The following ANKRD6 variants were observed in gnomAD, a reference collection of about 807,000 sequenced individuals.
ANKRD6 encodes the protein ankyrin repeat domain 6, also known as ankyrin repeat domain-containing protein 6.
ANKRD6 carries 56 observed loss-of-function variants against 82.3 expected under a neutral mutation model. That is an observed-to-expected ratio of 0.68 (90% CI 0.55 to 0.85). The LOEUF (loss-of-function observed/expected upper bound fraction) is 0.85. Among genes scored for constraint, ANKRD6 ranks in the 40% least tolerant of loss-of-function variants. The probability of loss-of-function intolerance (pLI) is 0.00; values close to 1 mark genes in which losing one functional copy is unlikely to be tolerated. For missense variants in ANKRD6, 852 were observed against 907.6 expected, an observed-to-expected ratio of 0.94 and a Z score of 0.79; for synonymous variants, 347 against 352.1, an observed-to-expected ratio of 0.99 and a Z score of 0.16.
chr6:89,554,560 TGAAAAA>T (rs1412907188), intron 1 of ANKRD6, among the ~76,000 whole-genome samples: 1 of 152,058 alleles, frequency 6.6e-6, no homozygotes, highest in Non-Finnish European at 1.5e-5. Context: ...TCTGGAAACA[TGAAAAA>T]GTAAGAGAAG....
chr6:89,470,902 A>G lies in ANKRD6; in HGVS notation c.-144+37527A>G, dbSNP rs374148808. 3.9e-5 allele frequency among the ~76,000 whole-genome samples: 6 copies of G among 152,056 alleles called. No homozygotes were observed. In the East Asian group the frequency reaches 7.7e-4, roughly 20 times the overall value. On this transcript the variant is annotated intron_variant, in intron 1 of 15. Transcript: ENST00000339746. ...AAGTAAAGTTGTGAGTGGATTTTTCACTACCCTCACCAACATGGATGTTGT... is the reference window on the plus strand; with the variant it reads ...AAGTAAAGTTGTGAGTGGATTTTTCGCTACCCTCACCAACATGGATGTTGT...
intron 1 of ANKRD6, among the ~76,000 whole-genome samples, chr6:89,532,656 A>G (rs574343257): frequency 3.3e-5 from 5 of 152,318 alleles, no homozygotes; most frequent in East Asian, 1.9e-4. Flanking sequence ...AGATCATTCA[A>G]TGAATGAAAG....
chr6:89,448,067 G>C (rs929650658), intron 1 of ANKRD6, among the ~76,000 whole-genome samples: 2 of 152,116 alleles, frequency 1.3e-5, no homozygotes, highest in Non-Finnish European at 2.9e-5. Context: ...CTGGTTAGGA[G>C]CTAATGCAAC....
Position 89,627,604 on chromosome 6 carries a change from A to G in ANKRD6, c.1393A>G (p.Met465Val). 2 of 1,610,890 alleles carry G rather than the reference A, an allele frequency of 1.2e-6. No individual in the cohort carries two copies. The highest frequency in any genetic ancestry group is 2.7e-5 in the African/African-American group (2 of 74,838). The change falls in exon 14 of 16, where the codon ATG becomes GTG. Residue 465 changes from methionine (M) to valine (V), a missense_variant. Physicochemically the swap from Met to Val is conservative, Grantham distance 21. Coordinates refer to ENST00000339746, the MANE Select transcript of ANKRD6 (RefSeq NM_001242809.2). ...CTAGATGCGTGTTTTGGACAAGCTG[A>G]TGGTTGAGCGACTTTCTGCAGAGAG... ...QHQMRVLDKL[M>V]VERLSAERTE...
intron 2 of ANKRD6, among the ~76,000 whole-genome samples, chr6:89,577,843 T>C (rs1363787483): frequency 2.0e-5 from 3 of 152,148 alleles, no homozygotes; most frequent in Non-Finnish European, 4.4e-5. Context: ...AAAATGCTGG[T>C]CCTTGGAATG....
chr6:89,499,810 G>C (rs537409162), intron 1 of ANKRD6, among the ~76,000 whole-genome samples: 1 of 152,074 alleles, frequency 6.6e-6, no homozygotes, highest in East Asian at 1.9e-4. Context: ...CTGCTCCTCA[G>C]TTTAGCCTGT....
intron 9 of ANKRD6, chr6:89,618,525 G>T: frequency 4.3e-6 from 1 of 229,918 alleles, no homozygotes; most frequent in Admixed American, 5.2e-5. Flanking sequence ...ACTGACTAAT[G>T]GTATTTTGAC....
intron 9 of ANKRD6, among the ~76,000 whole-genome samples, chr6:89,620,658 GA>G (rs1241483116): frequency 6.6e-6 from 1 of 152,184 alleles, no homozygotes; most frequent in Non-Finnish European, 1.5e-5. Context: ...TAAGCCACCT[GA>G]AGGCAGGTAG....
chr6:89,477,591 G>A (rs1004873734), intron 1 of ANKRD6, among the ~76,000 whole-genome samples: 6 of 151,678 alleles, frequency 4.0e-5, no homozygotes, highest in Non-Finnish European at 8.8e-5. Context: ...CTAACATGGC[G>A]AAACCTCATC....
chr6:89,546,818 G>A (rs1211418133), intron 1 of ANKRD6, among the ~76,000 whole-genome samples: 2 of 152,070 alleles, frequency 1.3e-5, no homozygotes, highest in Middle Eastern at 3.2e-3. Context: ...GAAAAAATGG[G>A]GAGATGTCCC....
intron 9 of ANKRD6, among the ~76,000 whole-genome samples, chr6:89,619,364 G>A (rs1802417162): frequency 6.6e-6 from 1 of 152,116 alleles, no homozygotes; most frequent in African/African-American, 2.4e-5. Context: ...TCAGTATGTG[G>A]TAATTTAATG....
At chr6:89,512,738 C>T (rs916557533) in intron 1 of ANKRD6, among the ~76,000 whole-genome samples, 2 of 152,204 alleles carry the variant, frequency 1.3e-5, no homozygotes, top group African/African-American at 2.4e-5. Context: ...CAGCATGTTG[C>T]ACATAAATAT....
intron 1 of ANKRD6, among the ~76,000 whole-genome samples, chr6:89,496,852 T>G (rs1399006278): frequency 6.6e-6 from 1 of 152,222 alleles, no homozygotes; most frequent in Non-Finnish European, 1.5e-5. Flanking sequence ...AAAACTTAGG[T>G]CTGCAAATAA....
chr6:89,612,937 T>A (rs1800588748), intron 6 of ANKRD6, among the ~76,000 whole-genome samples: 1 of 152,218 alleles, frequency 6.6e-6, no homozygotes, highest in Non-Finnish European at 1.5e-5. Context: ...AATCTGAGGC[T>A]TCTTTCTAAA....
intron 3 of ANKRD6, 108 bp downstream of exon 3, chr6:89,596,122 A>G: frequency 1.1e-6 from 1 of 904,464 alleles, no homozygotes; most frequent in South Asian, 1.5e-5. Context: ...ATGCTCTCGC[A>G]GCACATTTTA....
chr6:89,498,697 C>T (rs1021578764), intron 1 of ANKRD6, among the ~76,000 whole-genome samples: 2 of 152,080 alleles, frequency 1.3e-5, no homozygotes, highest in African/African-American at 2.4e-5. Context: ...GAAATTGTGA[C>T]CAAGGTGAGA....
At chr6:89,539,788 A>G (rs6932751) in intron 1 of ANKRD6, among the ~76,000 whole-genome samples, 60,579 of 146,540 alleles carry the variant, frequency 0.41, 13,422 homozygotes, top group Middle Eastern at 0.58. Flanking sequence ...CCCTCCACCC[A>G]GCCCCCAATA....
rs1807825651 is a variant in ANKRD6 at position 89,633,563 on chromosome 6, G to C, written c.*2559G>C. On this transcript the variant is annotated 3_prime_UTR_variant, in exon 16 of 16. Coordinates refer to ENST00000339746, the MANE Select transcript of ANKRD6 (RefSeq NM_001242809.2). ...AACACAGAAATACTGTACAGTATTA[G>C]TGTTTTTTTAAAGAAATTGTTAGTG... 6.6e-6 allele frequency: 1 copy of C among 152,194 alleles called. No individual in the cohort carries two copies. Among genetic ancestry groups the C allele is most frequent in the Non-Finnish European group, 1.5e-5 (1 of 68,034 alleles). The allele number at this position is 152,194 out of a possible 1,614,324, so 9.4% of individuals were successfully genotyped here. A position where few individuals can be genotyped will look rare whatever the true frequency, so the allele number is the denominator to read the frequency against.
chr6:89,595,984 G>A lies in ANKRD6; in HGVS notation c.189G>A (p.Lys63=). The A allele has an allele frequency of 6.2e-7, 1 of 1,610,398 alleles. No homozygotes were observed. Among genetic ancestry groups the A allele is most frequent in the Non-Finnish European group, 8.5e-7 (1 of 1,178,492 alleles). The change falls in exon 3 of 16, where the codon AAG becomes AAA. Residue 63 remains lysine, a synonymous_variant. Coordinates refer to ENST00000339746, the MANE Select transcript of ANKRD6 (RefSeq NM_001242809.2). ...GHLPVVQILL[K]AGCDLDVQDD... ...TTCCTGTGGTCCAGATCTTGCTGAA[G>A]GCTGGCTGCGACCTTGATGTCCAGG...
Sources: gnomAD v4.1 joint callset for allele counts (sites outside exome capture counted in the v4.1 genomes callset) on GRCh38, gnomAD v4.1.1 for gene constraint, MANE v1.5 for transcripts, NCBI Gene and HGNC (gene_info 2026-07-23, HGNC 2026-07-21) for gene names.